Variants in STK24 observed in about 807,000 individuals in gnomAD.
The protein encoded by STK24 is serine/threonine-protein kinase 24.
Under a neutral mutation model 55.6 loss-of-function variants are expected in STK24, and 21 were observed. The observed-to-expected ratio is 0.38, with a 90% CI of 0.27 to 0.54. STK24 has a LOEUF of 0.54. STK24 is among the 20% of genes least tolerant of loss of function. STK24 has a pLI of 0.79. For missense variants in STK24, 383 were observed against 538.4 expected, an observed-to-expected ratio of 0.71 and a Z score of 2.86; for synonymous variants, 200 against 215.2, an observed-to-expected ratio of 0.93 and a Z score of 0.62.
chr13:98,569,983 T>C (rs1440963955), intron 1 of STK24, among the ~76,000 whole-genome samples: 1 of 151,532 alleles, frequency 6.6e-6, no homozygotes, highest in Non-Finnish European at 1.5e-5. Context: ...TTCAAAGAAT[T>C]CTCCTGCCTC....
intron 2 of STK24, among the ~76,000 whole-genome samples, chr13:98,498,771 C>T (rs1895338760): frequency 6.6e-6 from 1 of 152,214 alleles, no homozygotes; most frequent in South Asian, 2.1e-4. Flanking sequence ...TGCCCATGTC[C>T]TCCTGTCTGC....
chr13:98,516,228 A>G (rs1018929699), intron 2 of STK24, among the ~76,000 whole-genome samples: 3 of 152,236 alleles, frequency 2.0e-5, no homozygotes, highest in Middle Eastern at 3.2e-3. Flanking sequence ...GTAGCCAAAT[A>G]AGACAATTGT....
rs1897909801 is a variant in STK24, at chr13:98,576,737, C to T, written c.42+8G>A. The T allele has an allele frequency of 1.4e-6, 2 of 1,460,586 alleles. No individual in the cohort carries two copies. The highest frequency in any genetic ancestry group is 1.8e-6 in the Non-Finnish European group (2 of 1,110,626). The allele number at this position is 1,460,586 out of a possible 1,614,324, so 90.5% of individuals were successfully genotyped here. On this transcript the variant is annotated splice_region_variant and intron_variant, in intron 1 of 10. Transcript: ENST00000539966. ...CGCATCCCGGCCCCGCGGCCCGCGC[C>T]CGCCTACCTGCATGCCGGGCAGGCC...
Position 98,472,982 on chromosome 13 carries a change from C to T in STK24, c.597+1839G>A, listed in dbSNP as rs1223411432. Among the ~76,000 whole-genome samples the T allele has an allele frequency of 3.3e-5, 5 of 151,998 alleles. No individual in the cohort carries two copies. The South Asian group carries it at 6.3e-4, about 19-fold the overall frequency. On this transcript the variant is annotated intron_variant, in intron 5 of 10. Transcript: ENST00000539966. ...ACACTGAGGTGCCCATGCCTTCTGC[C>T]CCGCCACTCTCTAGGGATATTTGTC...
At chr13:98,461,625 C>G (rs1416714123) in intron 8 of STK24, 149 bp downstream of exon 8, 4 of 1,058,346 alleles carry the variant, frequency 3.8e-6, no homozygotes, top group Non-Finnish European at 4.2e-6. Context: ...AGAACTAAAG[C>G]TCTTCATCTG....
At chr13:98,488,349 C>A (rs1566364122) in intron 2 of STK24, among the ~76,000 whole-genome samples, 1 of 152,198 alleles carries the variant, frequency 6.6e-6, no homozygotes, top group Non-Finnish European at 1.5e-5. Flanking sequence ...TGCGCTACTT[C>A]GTTCTGGCAG....
chr13:98,482,274 T>C lies in STK24; in HGVS notation c.321A>G (p.Ala107=), dbSNP rs1365281410. The C allele has an allele frequency of 1.3e-6, 2 of 1,572,674 alleles. No individual in the cohort carries two copies. Among genetic ancestry groups the C allele is most frequent in the Non-Finnish European group, 1.7e-6 (2 of 1,151,592 alleles). ...IIMEYLGGGS[A]LDLLEPGPLD... is the part of the protein sequence containing the mutation. ...CCAACATAATACTTACTAGATCTAG[T>C]GCGGAGCCTCCACCAAGATATTCCA... The change falls in exon 3 of 11, where the codon GCA becomes GCG. Residue 107 remains alanine, a synonymous_variant. Transcript: ENST00000539966.
intron 5 of STK24, among the ~76,000 whole-genome samples, chr13:98,473,821 C>G (rs116853453): frequency 0.01 from 1,570 of 152,380 alleles, 12 homozygotes; most frequent in Non-Finnish European, 0.015. Context: ...AACCTGGACG[C>G]TTTCTAACAG....
At chr13:98,476,243 C>CCT (rs1555303361) in intron 3 of STK24, among the ~76,000 whole-genome samples, 1 of 140,776 alleles carries the variant, frequency 7.1e-6, no homozygotes, top group Non-Finnish European at 1.6e-5. Context: ...ACGGGAAGCC[C>CCT]CCCCCCGCCC....
intron 1 of STK24, among the ~76,000 whole-genome samples, chr13:98,529,606 T>C (rs1459064639): frequency 1.3e-5 from 2 of 152,100 alleles, no homozygotes; most frequent in African/African-American, 4.8e-5. Context: ...ATGAGTCCCT[T>C]TATAGAAAAT....
chr13:98,470,336 G>A (rs1367068217), intron 5 of STK24, among the ~76,000 whole-genome samples: 3 of 152,100 alleles, frequency 2.0e-5, no homozygotes, highest in Non-Finnish European at 2.9e-5. Flanking sequence ...TTGCTTTGTT[G>A]CCCAGGTTGG....
intron 2 of STK24, among the ~76,000 whole-genome samples, chr13:98,500,444 G>A (rs1434922446): frequency 6.6e-6 from 1 of 152,146 alleles, no homozygotes; most frequent in Admixed American, 6.5e-5. Context: ...ATTAAATACT[G>A]TCAGGAAATG....
chr13:98,567,291 G>C (rs1337196566), intron 1 of STK24, among the ~76,000 whole-genome samples: 1 of 152,136 alleles, frequency 6.6e-6, no homozygotes, highest in Non-Finnish European at 1.5e-5. Context: ...GCCCTCTGAC[G>C]GGCTATTCGG....
rs151299865 is a variant in STK24, at chr13:98,559,619, C to G, written c.42+17126G>C. Among the ~76,000 whole-genome samples, 1,109 of 152,270 alleles carry G rather than the reference C, an allele frequency of 7.3e-3. 5 individuals carry two copies. Among genetic ancestry groups the G allele is most frequent in the Admixed American group, 0.012 (189 of 15,294 alleles). On this transcript the variant is annotated intron_variant, in intron 1 of 10. Coordinates refer to ENST00000539966, the MANE Select transcript of STK24 (RefSeq NM_001032296.4). ...GGCCACAAAGTCTACACTTACGTAC[C>G]ATTTTTCGTAAAATAGCAAAGATCT...
At chr13:98,478,594 A>C (rs919041758) in intron 3 of STK24, among the ~76,000 whole-genome samples, 6 of 152,142 alleles carry the variant, frequency 3.9e-5, no homozygotes, top group African/African-American at 7.2e-5. Context: ...GGGAGAAATA[A>C]ATTTCTATCT....
chr13:98,493,177 ATTC>A (rs756962271), intron 2 of STK24, among the ~76,000 whole-genome samples: 8 of 152,212 alleles, frequency 5.3e-5, no homozygotes, highest in Non-Finnish European at 1.0e-4. Context: ...TCCCTAAAAC[ATTC>A]TTCTTGGGAT....
At chr13:98,527,965 C>G (rs536774338) in intron 1 of STK24, among the ~76,000 whole-genome samples, 97 of 152,310 alleles carry the variant, frequency 6.4e-4, no homozygotes, top group Non-Finnish European at 9.7e-4. Context: ...GACTCAACGG[C>G]AGAAAGCAAA....
At chr13:98,559,442 T>C (rs962269960) in intron 1 of STK24, among the ~76,000 whole-genome samples, 1 of 152,226 alleles carries the variant, frequency 6.6e-6, no homozygotes, top group African/African-American at 2.4e-5. Context: ...TTCTTTTGCC[T>C]TCCGCCATGA....
rs115244772 is a variant in STK24, at chr13:98,456,650, G to A, written c.1259+518C>T. 3.2e-3 allele frequency: 1,376 copies of A among 435,844 alleles called. 17 individuals are homozygous for A. The highest frequency in any genetic ancestry group is 0.025 in the African/African-American group (1,247 of 49,704). 27.0% of individuals were successfully genotyped at this position (435,844 alleles called of 1,614,324 possible). A position where few individuals can be genotyped will look rare whatever the true frequency, so the allele number is the denominator to read the frequency against. ...TGCATTCAACAGGTGGGGCCACTGG[G>A]CAGGGACAAAAGCTCCCTACAGGCT... On this transcript the variant is annotated intron_variant, in intron 10 of 10. Coordinates refer to ENST00000539966, the MANE Select transcript of STK24 (RefSeq NM_001032296.4).
Sources: allele counts gnomAD v4.1 joint callset (sites outside exome capture counted in the v4.1 genomes callset), GRCh38; gene constraint gnomAD v4.1.1; transcripts MANE v1.5; gene names NCBI Gene and HGNC (gene_info 2026-07-23, HGNC 2026-07-21).